The following SDK1 variants were observed in gnomAD, a reference collection of about 807,000 sequenced individuals.
SDK1 encodes the protein sidekick cell adhesion molecule 1, also known as protein sidekick-1.
A neutral mutation model predicts 245.5 loss-of-function variants in SDK1; 157 were observed. That is an observed-to-expected ratio of 0.64 (90% CI 0.56 to 0.73). The LOEUF is 0.73. SDK1 is among the 30% of genes least tolerant of loss of function. SDK1 has a pLI of 0.00. For missense variants in SDK1, 3,583 were observed against 3,002.3 expected (o/e 1.19, Z -4.52); for synonymous variants, 1,647 against 1,278.5 (o/e 1.29, Z -6.15).
At chr7:3,506,323 T>C (rs2614955) in intron 1 of SDK1, among the ~76,000 whole-genome samples, 51,554 of 152,068 alleles carry the variant, frequency 0.34, 9,334 homozygotes, top group South Asian at 0.46. Context: ...TGGCTTATAT[T>C]GTGTCTGATG....
chr7:3,680,749 G>A (rs1057168041), intron 4 of SDK1, among the ~76,000 whole-genome samples: 17 of 152,206 alleles, frequency 1.1e-4, no homozygotes, highest in African/African-American at 3.4e-4. Flanking sequence ...CCCTAGGTTT[G>A]TTGTCTCCAG....
intron 4 of SDK1, among the ~76,000 whole-genome samples, chr7:3,721,437 A>T (rs1370304381): frequency 6.6e-6 from 1 of 152,236 alleles, no homozygotes; most frequent in Non-Finnish European, 1.5e-5. Context: ...AAATCTAATT[A>T]TTTCAAAATA....
At chr7:3,391,791 C>G (rs1781763201) in intron 1 of SDK1, among the ~76,000 whole-genome samples, 1 of 151,496 alleles carries the variant, frequency 6.6e-6, no homozygotes, top group African/African-American at 2.4e-5. Flanking sequence ...TAATGCCTGG[C>G]TAATTTTTGT....
At chr7:3,644,934 G>A (rs973964750) in intron 4 of SDK1, among the ~76,000 whole-genome samples, 2 of 151,932 alleles carry the variant, frequency 1.3e-5, no homozygotes, top group African/African-American at 4.8e-5. Context: ...TACCAGGGAT[G>A]GGGGGAGTTA....
chr7:4,133,980 A>C (rs183553361), intron 28 of SDK1, among the ~76,000 whole-genome samples: 1 of 152,234 alleles, frequency 6.6e-6, no homozygotes, highest in Non-Finnish European at 1.5e-5. Flanking sequence ...TCACTAAAAA[A>C]AAGTTTGGAG....
At chr7:3,966,559 C>T (rs1277717064) in intron 9 of SDK1, among the ~76,000 whole-genome samples, 1 of 152,158 alleles carries the variant, frequency 6.6e-6, no homozygotes, top group African/African-American at 2.4e-5. Context: ...ATCATGACAC[C>T]TCCCAGAAAT....
chr7:4,077,180 G>A lies in SDK1; in HGVS notation c.3193G>A (p.Val1065Met). The A allele has an allele frequency of 6.2e-7, 1 of 1,614,104 alleles. No homozygotes were observed. Among genetic ancestry groups the A allele is most frequent in the Non-Finnish European group, 8.5e-7 (1 of 1,179,990 alleles). The change falls in exon 21 of 45, where the codon GTG becomes ATG. Residue 1065 changes from valine to methionine, a missense_variant. Physicochemically the swap from Val to Met is conservative, Grantham distance 21 (BLOSUM62 1). Coordinates refer to ENST00000404826, the MANE Select transcript of SDK1 (RefSeq NM_152744.4). ...LVTSSTISSG[V>M]PPDLPGAPSN... ...GACTTCATCCACCATTTCTTCTGGA[G>A]TGCCCCCAGGTCAGTAGAATCGTGT...
intron 2 of SDK1, among the ~76,000 whole-genome samples, chr7:3,633,510 T>A (rs1046811656): frequency 6.6e-6 from 1 of 152,178 alleles, no homozygotes; most frequent in African/African-American, 2.4e-5. Context: ...AGAGAACTTC[T>A]TATAACAGGT....
At chr7:3,953,897 A>C (rs1471637324) in intron 7 of SDK1, among the ~76,000 whole-genome samples, 1 of 152,180 alleles carries the variant, frequency 6.6e-6, no homozygotes, top group East Asian at 1.9e-4. Flanking sequence ...CACACTGCAA[A>C]AACCCTGAAG....
At chr7:4,042,928 G>A (rs910668544) in intron 17 of SDK1, among the ~76,000 whole-genome samples, 7 of 152,252 alleles carry the variant, frequency 4.6e-5, no homozygotes, top group Non-Finnish European at 8.8e-5. Context: ...TCAGGACAAA[G>A]AGAAGCCGAA....
chr7:3,704,484 T>C (rs1358358226), intron 4 of SDK1, among the ~76,000 whole-genome samples: 1 of 152,144 alleles, frequency 6.6e-6, no homozygotes, highest in Non-Finnish European at 1.5e-5. Flanking sequence ...CTTGTATATC[T>C]TCTTTTGAGA....
chr7:3,344,865 C>T (rs556958622), intron 1 of SDK1, among the ~76,000 whole-genome samples: 2 of 152,292 alleles, frequency 1.3e-5, no homozygotes, highest in South Asian at 4.2e-4. Context: ...TAGTTAATGA[C>T]ATGATTACTG....
intron 4 of SDK1, among the ~76,000 whole-genome samples, chr7:3,808,602 G>A (rs1475084561): frequency 6.6e-6 from 1 of 152,192 alleles, no homozygotes; most frequent in Non-Finnish European, 1.5e-5. Flanking sequence ...CCTCCTGAAA[G>A]CTCAGTTTAG....
chr7:3,388,365 G>A (rs528377598), intron 1 of SDK1, among the ~76,000 whole-genome samples: 8 of 149,594 alleles, frequency 5.3e-5, no homozygotes, highest in African/African-American at 7.4e-5. Context: ...AATCTCATCT[G>A]TCAAACGCTA....
chr7:3,398,120 A>C (rs1778774033), intron 1 of SDK1, among the ~76,000 whole-genome samples: 1 of 152,040 alleles, frequency 6.6e-6, no homozygotes, highest in Admixed American at 6.6e-5. Context: ...CTGTAACTGT[A>C]GGTTTTCTGT....
chr7:4,233,482 G>T, intron 41 of SDK1, 63 bp downstream of exon 41: 1 of 1,503,236 alleles, frequency 6.7e-7, no homozygotes, highest in Admixed American at 1.7e-5. Flanking sequence ...GGGGTCGAGG[G>T]GGACCCAGGG....
At position 4,205,927 on chromosome 7, in the gene SDK1, G is replaced by C. The variant is rs1385349423; in HGVS notation, c.5147G>C (p.Ser1716Thr). 7.7e-6 allele frequency: 12 copies of C among 1,562,586 alleles called. No individual in the cohort carries two copies. Among genetic ancestry groups the C allele is most frequent in the Non-Finnish European group, 1.0e-5 (12 of 1,152,740 alleles). The change falls in exon 36 of 45, where the codon AGC (serine) becomes ACC (threonine). Residue 1716 changes from serine to threonine, a missense_variant. Ser to Thr is a moderately conservative substitution (Grantham distance 58). Transcript: ENST00000404826. ...QNVQVTPLTA[S>T]QLEVTWDPPP... Reference sequence around the variant, plus strand: ...GTGCAGGTGACCCCACTCACGGCCAGCCAGCTGGAGGTCACGTGGGACCCA... The same window carrying C: ...GTGCAGGTGACCCCACTCACGGCCACCCAGCTGGAGGTCACGTGGGACCCA...
intron 4 of SDK1, among the ~76,000 whole-genome samples, chr7:3,671,348 T>G (rs527933628): frequency 6.6e-6 from 1 of 152,342 alleles, no homozygotes; most frequent in Non-Finnish European, 1.5e-5. Flanking sequence ...AGGGACATTT[T>G]TTAAACCAAT....
chr7:3,975,752 C>T (rs1468661577), intron 13 of SDK1, among the ~76,000 whole-genome samples: 1 of 152,246 alleles, frequency 6.6e-6, no homozygotes, highest in East Asian at 1.9e-4. Flanking sequence ...ATCCCAACTC[C>T]TGTTCTGTCT....
Sources: allele counts gnomAD v4.1 joint callset (sites outside exome capture counted in the v4.1 genomes callset), GRCh38; gene constraint gnomAD v4.1.1; transcripts MANE v1.5; gene names NCBI Gene and HGNC (gene_info 2026-07-23, HGNC 2026-07-21).